The following RGR variants were observed in gnomAD, a reference collection of about 807,000 sequenced individuals.
The protein encoded by RGR is RPE-retinal G protein-coupled receptor.
In RGR, 30 loss-of-function variants were observed where a neutral mutation model predicts 28.6. The observed-to-expected ratio is 1.05, with a 90% CI of 0.78 to 1.42. The LOEUF is 1.42. Ranked by LOEUF, RGR falls within the 40% of genes most tolerant of loss-of-function variation. The pLI is 0.00. For synonymous variants in RGR, 180 were observed against 156.4 expected (o/e 1.15, Z -1.13); for missense variants, 404 against 375.6 (o/e 1.08, Z -0.62).
chr10:84,256,112 C>T (rs1289366376), intron 5 of RGR, among the ~76,000 whole-genome samples: 5 of 113,626 alleles, frequency 4.4e-5, no homozygotes, highest in African/African-American at 1.9e-4. Context: ...ACTCTGTTGC[C>T]CAGGCTGGAG....
intron 3 of RGR, among the ~76,000 whole-genome samples, chr10:84,251,316 C>T (rs1186652021): frequency 6.6e-6 from 1 of 152,110 alleles, no homozygotes; most frequent in Non-Finnish European, 1.5e-5. Flanking sequence ...AATTATCGTG[C>T]CCACAGTTGG....
At chr10:84,249,307 T>C (rs899703251) in intron 3 of RGR, among the ~76,000 whole-genome samples, 1 of 152,188 alleles carries the variant, frequency 6.6e-6, no homozygotes, top group Admixed American at 6.5e-5. Flanking sequence ...TCTCCTCCTC[T>C]GCGAAATGAT....
rs1488660683 is a variant in RGR, at chr10:84,250,853, A to T, written c.358+1810A>T. On this transcript the variant is annotated intron_variant, in intron 3 of 6. Coordinates refer to ENST00000652092, the MANE Select transcript of RGR (RefSeq NM_001012720.2). ...AACCTGGAAGGCAGAGGTTGCAGTG[A>T]GCTGAGATGGCACCACTGCACTCCA... 6 of 155,114 alleles carry T rather than the reference A, an allele frequency of 3.9e-5. No individual in the cohort carries two copies. The East Asian group carries it at 1.1e-3, about 29-fold the overall frequency. 9.6% of individuals were successfully genotyped at this position (155,114 alleles called of 1,614,324 possible).
chr10:84,247,468 C>T, intron 1 of RGR, 123 bp from the exon 2 acceptor site: 1 of 1,152,724 alleles, frequency 8.7e-7, no homozygotes, highest in Non-Finnish European at 1.3e-6. Context: ...GCATGCTACC[C>T]TATATTGATT....
At chr10:84,257,869 T>A (rs1236938861) in intron 5 of RGR, 24 bp from the exon 6 acceptor site, 1 of 1,609,642 alleles carries the variant, frequency 6.2e-7, no homozygotes, top group Non-Finnish European at 8.5e-7. Context: ...CAAGCTGACA[T>A]CTCCTGTGAC....
At position 84,246,680 on chromosome 10, in the gene RGR, G is replaced by A. The variant is rs112776893; in HGVS notation, c.80-911G>A. ...TCTTTGCAATTGTGAATTGTGCCTCGGTAAGCATAGATGTGCATGTGTGTT... is the reference window on the plus strand; with the variant it reads ...TCTTTGCAATTGTGAATTGTGCCTCAGTAAGCATAGATGTGCATGTGTGTT... On this transcript the variant is annotated intron_variant, in intron 1 of 6. Coordinates refer to ENST00000652092, the MANE Select transcript of RGR (RefSeq NM_001012720.2). 1.0e-2 allele frequency among the ~76,000 whole-genome samples: 1,520 copies of A among 152,258 alleles called. 29 individuals carry two copies. Among genetic ancestry groups the A allele is most frequent in the African/African-American group, 0.035 (1,446 of 41,538 alleles).
Position 84,247,689 on chromosome 10 carries a change from C to T in RGR, c.178C>T (p.Leu60Phe), listed in dbSNP as rs750452661. The T allele has an allele frequency of 6.2e-7, 1 of 1,614,206 alleles. No individual in the cohort carries two copies. The highest frequency in any genetic ancestry group is 1.1e-5 in the South Asian group (1 of 91,088). ...PCHLLVLSLA[L>F]ADSGISLNAL... ...CCACCTACTGGTGCTGAGCTTGGCT[C>T]TTGCGGACAGTGGGATCAGCCTGAA... is the stretch of plus-strand genomic sequence containing the variant. Residue 60 changes from leucine (L) to phenylalanine (F), a missense_variant, in exon 2 of 7, where the codon CTT becomes TTT. Physicochemically the swap from Leu to Phe is conservative, Grantham distance 22. Coordinates refer to ENST00000652092, the MANE Select transcript of RGR (RefSeq NM_001012720.2).
chr10:84,257,999 T>C lies in RGR; in HGVS notation c.737T>C (p.Leu246Pro), dbSNP rs1842909269. The change falls in exon 6 of 7, where the codon CTG (leucine) becomes CCG (proline). Residue 246 changes from leucine to proline, a missense_variant. By Grantham distance (98) the Leu-to-Pro change is moderately conservative (BLOSUM62 -3). Coordinates refer to ENST00000652092, the MANE Select transcript of RGR (RefSeq NM_001012720.2). ...IADVTSISPK[L>P]QMVPALIAKM... The stretch of plus-strand genomic sequence containing the variant: ...GACGTGACTTCCATCTCCCCCAAAC[T>C]GCAGATGGTACAGATACTTCTAGTA... The C allele has an allele frequency of 6.2e-7, 1 of 1,613,552 alleles. No homozygotes were observed. The highest frequency in any genetic ancestry group is 8.5e-7 in the Non-Finnish European group (1 of 1,179,512).
intron 5 of RGR, 71 bp from the exon 6 acceptor site, chr10:84,257,822 G>T (rs952614370): frequency 7.3e-7 from 1 of 1,364,314 alleles, no homozygotes; most frequent in Non-Finnish European, 1.0e-6. Flanking sequence ...TGCTGACCTG[G>T]TTTTCTTGGC....
At position 84,247,717 on chromosome 10, in the gene RGR, C is replaced by T; in HGVS notation, c.206C>T (p.Ala69Val). ...GCGGACAGTGGGATCAGCCTGAATG[C>T]CCTCGTTGCAGCCACATCCAGCCTT... ...ALADSGISLN[A>V]LVAATSSLLR... The change falls in exon 2 of 7, where the codon GCC becomes GTC. Residue 69 changes from alanine to valine, a missense_variant. Coordinates refer to ENST00000652092, the MANE Select transcript of RGR (RefSeq NM_001012720.2). The T allele has an allele frequency of 6.2e-7, 1 of 1,614,204 alleles. No homozygotes were observed. Among genetic ancestry groups the T allele is most frequent in the Non-Finnish European group, 8.5e-7 (1 of 1,180,042 alleles).
rs1465338630 is a variant in RGR, at chr10:84,257,964, A to G, written c.702A>G (p.Ala234=). ...WGPYAILYLY[A]VIADVTSISP... ...CCTATGCCATCCTGTATCTATACGC[A>G]GTCATCGCAGACGTGACTTCCATCT... The change falls in exon 6 of 7, where the codon GCA becomes GCG. Residue 234 remains alanine, a synonymous_variant. Transcript: ENST00000652092. The G allele has an allele frequency of 1.2e-6, 2 of 1,614,190 alleles. No individual in the cohort carries two copies. Among genetic ancestry groups the G allele is most frequent in the Non-Finnish European group, 1.7e-6 (2 of 1,180,038 alleles).
At chr10:84,247,778 TG>T (rs767675837) in intron 2 of RGR, 31 bp downstream of exon 2, 1 of 1,613,746 alleles carries the variant, frequency 6.2e-7, no homozygotes, top group Non-Finnish European at 8.5e-7. Context: ...CCACAGGCTC[TG>T]GGGTCCTGCC....
At chr10:84,253,992 A>G (rs887527036) in intron 4 of RGR, among the ~76,000 whole-genome samples, 2 of 152,198 alleles carry the variant, frequency 1.3e-5, no homozygotes, top group African/African-American at 4.8e-5. Flanking sequence ...CTTTGGGCCT[A>G]GAATGCTCCT....
intron 3 of RGR, among the ~76,000 whole-genome samples, chr10:84,249,833 T>C (rs758395090): frequency 6.6e-5 from 10 of 152,228 alleles, no homozygotes; most frequent in Admixed American, 1.3e-4. Context: ...AAATACCATC[T>C]TCATAATTGG....
At chr10:84,253,374 G>C (rs1305940833) in intron 4 of RGR, among the ~76,000 whole-genome samples, 1 of 152,168 alleles carries the variant, frequency 6.6e-6, no homozygotes, top group Non-Finnish European at 1.5e-5. Context: ...ATTTCTAGAG[G>C]GAGCCACGCC....
At chr10:84,247,100 C>G (rs967428521) in intron 1 of RGR, among the ~76,000 whole-genome samples, 1 of 152,234 alleles carries the variant, frequency 6.6e-6, no homozygotes, top group Non-Finnish European at 1.5e-5. Context: ...GGTCGGGTCT[C>G]TCTGTTGCCA....
chr10:84,250,991 T>C (rs1842810973), intron 3 of RGR: 1 of 151,332 alleles, frequency 6.6e-6, no homozygotes, highest in Non-Finnish European at 1.5e-5. Flanking sequence ...TCCCAACACT[T>C]TGGGAGGCTG....
chr10:84,247,618 T>C lies in RGR; in HGVS notation c.107T>C (p.Leu36Pro). ...EALSGLSLNTLTIFSFCKTPE... is the reference protein window; with the variant it reads ...EALSGLSLNTPTIFSFCKTPE... Reference sequence around the variant, plus strand: ...CTCTCCGGTCTCAGCCTCAATACCCTGACCATCTTCTCTTTCTGCAAGACC... The same window carrying C: ...CTCTCCGGTCTCAGCCTCAATACCCCGACCATCTTCTCTTTCTGCAAGACC... Residue 36 changes from leucine (L) to proline (P), a missense_variant, in exon 2 of 7, where the codon CTG (leucine) becomes CCG (proline). Leu to Pro is a moderately conservative substitution (Grantham distance 98). Coordinates refer to ENST00000652092, the MANE Select transcript of RGR (RefSeq NM_001012720.2). The C allele has an allele frequency of 1.2e-6, 2 of 1,614,194 alleles. No homozygotes were observed. Among genetic ancestry groups the C allele is most frequent in the Non-Finnish European group, 1.7e-6 (2 of 1,180,018 alleles).
rs770919166 is a variant in RGR, at chr10:84,254,313, G to C, written c.513-13G>C. On this transcript the variant is annotated splice_polypyrimidine_tract_variant and intron_variant, in intron 4 of 6. Coordinates refer to ENST00000652092, the MANE Select transcript of RGR (RefSeq NM_001012720.2). Reference sequence around the variant, plus strand: ...GAGAGCTAACCCCAATCCTCCACCCGCTCTCCCTGTAGAAACTTCACCAGC... The same window carrying C: ...GAGAGCTAACCCCAATCCTCCACCCCCTCTCCCTGTAGAAACTTCACCAGC... 1.8e-5 allele frequency: 29 copies of C among 1,611,624 alleles called. 1 individual carries two copies. Among genetic ancestry groups the C allele is most frequent in the Non-Finnish European group, 2.3e-5 (27 of 1,177,782 alleles).
Sources: allele counts gnomAD v4.1 joint callset (sites outside exome capture counted in the v4.1 genomes callset), GRCh38; gene constraint gnomAD v4.1.1; transcripts MANE v1.5; gene names NCBI Gene and HGNC (gene_info 2026-07-23, HGNC 2026-07-21).